SYNDIG1L: variants seen among roughly 807,000 people sequenced by gnomAD.
SYNDIG1L encodes the protein synapse differentiation inducing 1 like.
SYNDIG1L carries 13 observed loss-of-function variants against 20.1 expected under a neutral mutation model. That is an observed-to-expected ratio of 0.65 (90% CI 0.42 to 1.03). The LOEUF (loss-of-function observed/expected upper bound fraction) is 1.03, where lower values mean the gene tolerates loss of function less well. Among genes scored for constraint, SYNDIG1L ranks in the 50% least tolerant of loss-of-function variants. SYNDIG1L has a pLI of 0.00. For missense variants in SYNDIG1L, 294 were observed against 305.1 expected (o/e 0.96, Z 0.27); for synonymous variants, 128 against 129.3 (o/e 0.99, Z 0.07).
At chr14:74,412,397 G>A (rs1321820028) in intron 1 of SYNDIG1L, among the ~76,000 whole-genome samples, 2 of 152,204 alleles carry the variant, frequency 1.3e-5, no homozygotes, top group African/African-American at 2.4e-5. Context: ...TGGGAGTCAC[G>A]TACACTGGGA....
At chr14:74,444,752 C>T in the SYNDIG1L span, among the ~76,000 whole-genome samples, 7 of 151,752 alleles carry the variant, frequency 4.6e-5, no homozygotes, top group Non-Finnish European at 8.8e-5. Flanking sequence ...GAAACCCTGT[C>T]TCAAAAAAAC....
At chr14:74,470,178 T>A in the SYNDIG1L span, among the ~76,000 whole-genome samples, 974 of 145,796 alleles carry the variant, frequency 6.7e-3, 5 homozygotes, top group Non-Finnish European at 0.012. Context: ...CTTCCCTTTT[T>A]AAAAAAAAAA....
chr14:74,431,549 G>T, the SYNDIG1L span, among the ~76,000 whole-genome samples: 1 of 151,896 alleles, frequency 6.6e-6, no homozygotes. Context: ...TTTAATAAAG[G>T]CTCATGGAAG....
the SYNDIG1L span, among the ~76,000 whole-genome samples, chr14:74,477,539 C>A: frequency 6.6e-6 from 1 of 152,088 alleles, no homozygotes; most frequent in East Asian, 1.9e-4. Context: ...AAAAAGATCA[C>A]TCTGTTCCTT....
At chr14:74,433,856 A>G in the SYNDIG1L span, among the ~76,000 whole-genome samples, 1 of 152,210 alleles carries the variant, frequency 6.6e-6, no homozygotes, top group Non-Finnish European at 1.5e-5. Flanking sequence ...CCTTAATACC[A>G]TACTAACTAT....
intron 1 of SYNDIG1L, among the ~76,000 whole-genome samples, chr14:74,413,626 T>C (rs1425422098): frequency 1.3e-5 from 2 of 152,110 alleles, no homozygotes; most frequent in African/African-American, 4.8e-5. Context: ...AATGAGCATG[T>C]ACTACTTTTA....
chr14:74,464,286 C>T, the SYNDIG1L span, among the ~76,000 whole-genome samples: 2 of 152,132 alleles, frequency 1.3e-5, no homozygotes, highest in African/African-American at 2.4e-5. Context: ...CTCCCTGATG[C>T]GCCCATGCTG....
the SYNDIG1L span, among the ~76,000 whole-genome samples, chr14:74,435,491 T>A: frequency 6.6e-6 from 1 of 152,304 alleles, no homozygotes; most frequent in Admixed American, 6.5e-5. Flanking sequence ...AACAGCTGGT[T>A]GGCAGGGGAG....
chr14:74,445,060 C>A, the SYNDIG1L span, among the ~76,000 whole-genome samples: 1 of 152,104 alleles, frequency 6.6e-6, no homozygotes, highest in African/African-American at 2.4e-5. Flanking sequence ...GAAGGTGGAT[C>A]CCTAATGAAT....
intron 1 of SYNDIG1L, among the ~76,000 whole-genome samples, chr14:74,425,686 G>T (rs899297921): frequency 1.1e-4 from 16 of 152,286 alleles, no homozygotes; most frequent in Admixed American, 4.6e-4. Flanking sequence ...CTGATGTTGT[G>T]AGGTTATGGT....
chr14:74,446,045 C>T, the SYNDIG1L span, among the ~76,000 whole-genome samples: 4 of 152,170 alleles, frequency 2.6e-5, no homozygotes, highest in African/African-American at 9.6e-5. Flanking sequence ...TTACATTAAA[C>T]AAATCTTCCA....
intron 1 of SYNDIG1L, among the ~76,000 whole-genome samples, chr14:74,411,532 A>G (rs1331161074): frequency 6.6e-6 from 1 of 152,220 alleles, no homozygotes; most frequent in Non-Finnish European, 1.5e-5. Context: ...GGAAAAGAGC[A>G]GTTTCTTCTT....
chr14:74,415,080 G>A (rs2086164231), intron 1 of SYNDIG1L, among the ~76,000 whole-genome samples: 1 of 152,130 alleles, frequency 6.6e-6, no homozygotes, highest in Non-Finnish European at 1.5e-5. Flanking sequence ...AAAAATTGGA[G>A]GTCAGGACCT....
At chr14:74,465,347 G>A in the SYNDIG1L span, among the ~76,000 whole-genome samples, 3 of 152,216 alleles carry the variant, frequency 2.0e-5, no homozygotes, top group Non-Finnish European at 4.4e-5. Flanking sequence ...CTTTCATGCC[G>A]ATTGCACATT....
intron 1 of SYNDIG1L, among the ~76,000 whole-genome samples, chr14:74,414,267 C>A (rs142334922): frequency 3.5e-4 from 54 of 152,234 alleles, no homozygotes; most frequent in African/African-American, 1.3e-3. Flanking sequence ...TGTAGGCATG[C>A]CTGTGTGTAC....
At chr14:74,428,706 A>ATTG (rs1243634257), upstream of SYNDIG1L, among the ~76,000 whole-genome samples, 3 of 152,020 alleles carry the variant, frequency 2.0e-5, no homozygotes, top group Admixed American at 2.0e-4. Flanking sequence ...GGAGGAGGGG[A>ATTG]TTGTTGGTAG....
chr14:74,433,660 C>T, the SYNDIG1L span, among the ~76,000 whole-genome samples: 3 of 152,200 alleles, frequency 2.0e-5, no homozygotes, highest in Non-Finnish European at 1.5e-5. Flanking sequence ...GCTGGGATTA[C>T]AGGCGGGAGC....
At chr14:74,414,492 C>A (rs779394997) in intron 1 of SYNDIG1L, among the ~76,000 whole-genome samples, 15 of 152,192 alleles carry the variant, frequency 9.9e-5, no homozygotes, top group Non-Finnish European at 2.1e-4. Context: ...AGCACACTGC[C>A]ACCTTCCAGA....
intron 1 of SYNDIG1L, among the ~76,000 whole-genome samples, chr14:74,416,762 G>A (rs1019225693): frequency 6.6e-6 from 1 of 152,192 alleles, no homozygotes; most frequent in East Asian, 1.9e-4. Context: ...TAAAAGGATG[G>A]AATAATAATA....
Sources: gnomAD v4.1 joint callset for allele counts (sites outside exome capture counted in the v4.1 genomes callset) on GRCh38, gnomAD v4.1.1 for gene constraint, MANE v1.5 for transcripts, NCBI Gene and HGNC (gene_info 2026-07-23, HGNC 2026-07-21) for gene names.